DISC1: variants seen among roughly 807,000 people sequenced by gnomAD.
DISC1 encodes the protein DISC1 scaffold protein.
A neutral mutation model predicts 84.5 loss-of-function variants in DISC1; 57 were observed. The observed-to-expected ratio is 0.67, with a 90% CI of 0.55 to 0.84. DISC1 has a LOEUF of 0.84. Ranked by LOEUF, DISC1 falls within the 40% of genes least tolerant of loss-of-function variation. The pLI, the probability that DISC1 is intolerant of heterozygous loss-of-function variation, is 0.00. For synonymous variants in DISC1, 411 were observed against 415.2 expected (o/e 0.99, Z 0.12); for missense variants, 1,000 against 1,057.8 (o/e 0.95, Z 0.76).
At chr1:231,981,762 A>G (rs938927345) in intron 10 of DISC1, among the ~76,000 whole-genome samples, 3 of 152,192 alleles carry the variant, frequency 2.0e-5, no homozygotes, top group Non-Finnish European at 4.4e-5. Flanking sequence ...TGAAGGCCGC[A>G]GAACAAGGAT....
At chr1:231,908,068 G>T (rs1273490004) in intron 9 of DISC1, among the ~76,000 whole-genome samples, 1 of 152,150 alleles carries the variant, frequency 6.6e-6, no homozygotes, top group African/African-American at 2.4e-5. Context: ...GTAGATTCTG[G>T]ATATTAGCCT....
intron 8 of DISC1, chr1:231,813,462 T>G (rs2125717863): frequency 6.6e-6 from 1 of 152,368 alleles, no homozygotes; most frequent in African/African-American, 2.4e-5. Context: ...CCCCAGAGCA[T>G]GGGGTCCCTT....
chr1:231,675,074 C>T lies in DISC1; in HGVS notation c.68-18752C>T, dbSNP rs1263220479. On this transcript the variant is annotated intron_variant, in intron 1 of 12. Transcript: ENST00000439617. This position sits in a 1 kb window ranked among gnomAD's most constrained non-coding sequence, Gnocchi z 4.1. ...AACAAAGTTGATGAGAGACTTCCAA[C>T]GGCAAGTGTGTAAAAAGAAAATATC... 2.0e-5 allele frequency among the ~76,000 whole-genome samples: 3 copies of T among 152,100 alleles called. No individual in the cohort carries two copies. The highest frequency in any genetic ancestry group is 2.1e-4 in the South Asian group (1 of 4,814).
rs536643909 is a variant in DISC1 at position 231,890,200 on chromosome 1, G to A, written c.1982-68628G>A. Among the ~76,000 whole-genome samples the A allele has an allele frequency of 5.6e-4, 85 of 152,248 alleles. No homozygotes were observed. The South Asian group carries it at 0.014, about 24-fold the overall frequency. Reference sequence around the variant, plus strand: ...TGCACAGAGCTTTAATATAAACTGCGTATTTTCACTCTGTATGTGTGAGTA... The same window carrying A: ...TGCACAGAGCTTTAATATAAACTGCATATTTTCACTCTGTATGTGTGAGTA... On this transcript the variant is annotated intron_variant, in intron 9 of 12. Transcript: ENST00000439617.
chr1:231,661,012 G>T (rs1408441032), intron 1 of DISC1, among the ~76,000 whole-genome samples: 1 of 152,044 alleles, frequency 6.6e-6, no homozygotes, highest in East Asian at 1.9e-4. Flanking sequence ...ACCTTAGTTT[G>T]GTCAGATATG....
chr1:231,888,251 G>A (rs1324374339), intron 9 of DISC1, among the ~76,000 whole-genome samples: 1 of 152,172 alleles, frequency 6.6e-6, no homozygotes, highest in Admixed American at 6.5e-5. Context: ...AAGAGCAACT[G>A]CACGGCGTCT....
intron 9 of DISC1, among the ~76,000 whole-genome samples, chr1:231,929,340 C>T (rs1222226734): frequency 6.6e-6 from 1 of 152,172 alleles, no homozygotes; most frequent in African/African-American, 2.4e-5. Context: ...TACTCACCTC[C>T]CCCACTCCTG....
Position 231,639,664 on chromosome 1 carries a change from G to T in DISC1, c.67+12730G>T, listed in dbSNP as rs145664846. 2.5e-3 allele frequency among the ~76,000 whole-genome samples: 375 copies of T among 152,348 alleles called. 2 individuals are homozygous for T. The highest frequency in any genetic ancestry group is 8.6e-3 in the African/African-American group (358 of 41,582). Reference sequence around the variant, plus strand: ...AGTCCTCTAGTGTCTGTAGATCTCAGTGTCCTCCCTTGTGAAAATGGGGAT... The same window carrying T: ...AGTCCTCTAGTGTCTGTAGATCTCATTGTCCTCCCTTGTGAAAATGGGGAT... On this transcript the variant is annotated intron_variant, in intron 1 of 12. Coordinates refer to ENST00000439617, the MANE Select transcript of DISC1 (RefSeq NM_018662.3).
intron 10 of DISC1, among the ~76,000 whole-genome samples, chr1:231,998,129 T>C (rs951520200): frequency 1.3e-5 from 2 of 152,184 alleles, no homozygotes; most frequent in Non-Finnish European, 2.9e-5. Flanking sequence ...TTTCAGTAAA[T>C]GCATTGAATG....
At chr1:231,890,380 A>G (rs2087110966) in intron 9 of DISC1, among the ~76,000 whole-genome samples, 2 of 152,230 alleles carry the variant, frequency 1.3e-5, no homozygotes, top group African/African-American at 4.8e-5. Context: ...TTGATCGAGC[A>G]CAAATCCACT....
chr1:231,702,058 A>T, intron 3 of DISC1, 34 bp downstream of exon 3: 1 of 1,591,998 alleles, frequency 6.3e-7, no homozygotes. Flanking sequence ...TTGTTTTGTC[A>T]TCATGTCCCA....
chr1:231,858,703 G>A (rs1255980652), intron 9 of DISC1, among the ~76,000 whole-genome samples: 1 of 152,112 alleles, frequency 6.6e-6, no homozygotes, highest in East Asian at 1.9e-4. Flanking sequence ...ATGTTGCAAA[G>A]TCCAAGTTTC....
chr1:231,794,200 A>C (rs892405207), intron 6 of DISC1, among the ~76,000 whole-genome samples: 1 of 152,182 alleles, frequency 6.6e-6, no homozygotes, highest in African/African-American at 2.4e-5. Context: ...CTCACCTGTG[A>C]GAACCATTTG....
intron 9 of DISC1, among the ~76,000 whole-genome samples, chr1:231,941,277 C>T (rs2126131906): frequency 6.6e-6 from 1 of 152,262 alleles, no homozygotes; most frequent in Admixed American, 6.5e-5. Flanking sequence ...TCTGCTAATT[C>T]ATAACACTCA....
Position 231,874,783 on chromosome 1 carries a change from T to C in DISC1, c.1981+56266T>C, listed in dbSNP as rs528168787. 1.8e-3 allele frequency among the ~76,000 whole-genome samples: 278 copies of C among 151,220 alleles called. 3 individuals are homozygous for C. The highest frequency in any genetic ancestry group is 6.7e-3 in the African/African-American group (275 of 41,206). On this transcript the variant is annotated intron_variant, in intron 9 of 12. Coordinates refer to ENST00000439617, the MANE Select transcript of DISC1 (RefSeq NM_018662.3). Reference sequence around the variant, plus strand: ...AAAATTAGCCAGGCGTGGTGGCGGGTGCCTGTAATCCCAGCTACTCGGGAG... The same window carrying C: ...AAAATTAGCCAGGCGTGGTGGCGGGCGCCTGTAATCCCAGCTACTCGGGAG...
At chr1:231,633,041 A>T (rs2058866058) in intron 1 of DISC1, among the ~76,000 whole-genome samples, 1 of 152,254 alleles carries the variant, frequency 6.6e-6, no homozygotes, top group South Asian at 2.1e-4. Context: ...ACTGCACTCC[A>T]GCCTGGGCTA....
rs2065367363 is a variant in DISC1, at chr1:231,694,107, C to T, written c.349C>T (p.His117Tyr). 6.2e-7 allele frequency: 1 copy of T among 1,614,168 alleles called. No individual in the cohort carries two copies. The highest frequency in any genetic ancestry group is 8.5e-7 in the Non-Finnish European group (1 of 1,180,032). Residue 117 changes from histidine to tyrosine, a missense_variant, in exon 2 of 13, where the codon CAC (histidine) becomes TAC (tyrosine). His to Tyr is a moderately conservative substitution (Grantham distance 83, BLOSUM62 2). Coordinates refer to ENST00000439617, the MANE Select transcript of DISC1 (RefSeq NM_018662.3). ...TVTSVRGTSA[H>Y]FGIQLRGGTR... The stretch of plus-strand genomic sequence containing the variant: ...GACCTCTGTGAGAGGAACCTCGGCG[C>T]ACTTTGGGATTCAGCTCAGAGGTGG...
At chr1:231,914,674 A>C (rs180708359) in intron 9 of DISC1, among the ~76,000 whole-genome samples, 1 of 152,328 alleles carries the variant, frequency 6.6e-6, no homozygotes, top group East Asian at 1.9e-4. Context: ...TTATACAGGG[A>C]CACGAGCAAA....
intron 2 of DISC1, among the ~76,000 whole-genome samples, chr1:231,695,132 G>GT (rs1348736779): frequency 2.0e-5 from 3 of 152,204 alleles, no homozygotes; most frequent in Non-Finnish European, 2.9e-5. Flanking sequence ...TGGGGGCAGG[G>GT]GAGATTGAGC....
Sources: gnomAD v4.1 joint callset for allele counts (sites outside exome capture counted in the v4.1 genomes callset) on GRCh38, gnomAD v4.1.1 for gene constraint, Gnocchi (gnomAD v3.1) non-coding constraint, MANE v1.5 for transcripts, NCBI Gene and HGNC (gene_info 2026-07-23, HGNC 2026-07-21) for gene names.